BMPR1B: variants seen among roughly 807,000 people sequenced by gnomAD.
BMPR1B encodes bone morphogenetic protein receptor type-1B.
In BMPR1B, 12 loss-of-function variants were observed where a neutral mutation model predicts 59.1. The ratio of observed to expected loss-of-function variants is 0.20; its 90% CI spans 0.13 to 0.33. The LOEUF (loss-of-function observed/expected upper bound fraction) is 0.33, where lower values mean the gene tolerates loss of function less well. Among genes scored for constraint, BMPR1B ranks in the 10% least tolerant of loss-of-function variants. The pLI, the probability that BMPR1B is intolerant of heterozygous loss-of-function variation, is 1.00. For missense variants in BMPR1B, 550 were observed against 610.9 expected, an observed-to-expected ratio of 0.90 and a Z score of 1.05; for synonymous variants, 237 against 207.3, an observed-to-expected ratio of 1.14 and a Z score of -1.23.
At chr4:94,965,007 T>A (rs980399722) in intron 2 of BMPR1B, among the ~76,000 whole-genome samples, 1 of 152,130 alleles carries the variant, frequency 6.6e-6, no homozygotes, top group Non-Finnish European at 1.5e-5. Context: ...CTAAGAAATC[T>A]TCTGCTATAC....
intron 1 of BMPR1B, among the ~76,000 whole-genome samples, chr4:94,770,180 G>GTTTTTTTTTTTTTTTTTTT (rs1553903537): frequency 1.1e-4 from 12 of 106,272 alleles, no homozygotes; most frequent in African/African-American, 4.5e-4. Flanking sequence ...CTTCGTTTCT[G>GTTTTTTTTTTTTTTTTTTT]TGTTTGTTTT....
intron 1 of BMPR1B, among the ~76,000 whole-genome samples, chr4:94,849,872 G>A (rs10005450): frequency 1.3e-5 from 2 of 151,352 alleles, no homozygotes; most frequent in African/African-American, 2.4e-5. Flanking sequence ...GAGAAGGTGC[G>A]CTTAGAAACC....
At chr4:94,898,119 TA>T (rs1369989248) in intron 2 of BMPR1B, among the ~76,000 whole-genome samples, 1 of 151,640 alleles carries the variant, frequency 6.6e-6, no homozygotes. Context: ...GATTGTTTTT[TA>T]AAAATTTTTT....
chr4:95,125,341 C>A (rs770005639), intron 8 of BMPR1B, among the ~76,000 whole-genome samples: 9 of 152,130 alleles, frequency 5.9e-5, no homozygotes, highest in Non-Finnish European at 1.0e-4. Context: ...ACAATCCAGA[C>A]CCTCAGACAT....
intron 3 of BMPR1B, among the ~76,000 whole-genome samples, chr4:95,076,477 T>G (rs1240472325): frequency 1.3e-5 from 2 of 152,128 alleles, no homozygotes; most frequent in Non-Finnish European, 2.9e-5. Context: ...TTTTGAAGAT[T>G]GTAGCTAATA....
intron 3 of BMPR1B, among the ~76,000 whole-genome samples, chr4:95,026,674 G>A (rs1724435799): frequency 6.6e-6 from 1 of 150,644 alleles, no homozygotes; most frequent in Non-Finnish European, 1.5e-5. Flanking sequence ...GAAATGAAAG[G>A]AAGATTTTTC....
chr4:94,864,063 G>A (rs1005577735), intron 1 of BMPR1B, among the ~76,000 whole-genome samples: 3 of 152,168 alleles, frequency 2.0e-5, no homozygotes, highest in Non-Finnish European at 4.4e-5. Context: ...CATTTTAGCT[G>A]ATGTACTATT....
At chr4:94,773,274 A>T (rs973134739) in intron 1 of BMPR1B, among the ~76,000 whole-genome samples, 2 of 152,146 alleles carry the variant, frequency 1.3e-5, no homozygotes, top group Admixed American at 1.3e-4. Context: ...ATAGTAGCAT[A>T]TATCATTAGT....
At chr4:94,818,229 A>G (rs1724081187) in intron 1 of BMPR1B, among the ~76,000 whole-genome samples, 1 of 152,150 alleles carries the variant, frequency 6.6e-6, no homozygotes, top group Admixed American at 6.5e-5. Flanking sequence ...TTAGTTTAGT[A>G]TTCTAGGATG....
chr4:94,797,654 G>C (rs1346546739), intron 1 of BMPR1B, among the ~76,000 whole-genome samples: 3 of 152,170 alleles, frequency 2.0e-5, no homozygotes, highest in Admixed American at 1.3e-4. Context: ...AAATAACAAG[G>C]CTCCCCTGAT....
intron 1 of BMPR1B, among the ~76,000 whole-genome samples, chr4:94,868,474 C>T (rs181956802): frequency 4.6e-5 from 7 of 152,304 alleles, no homozygotes; most frequent in Non-Finnish European, 7.4e-5. Context: ...AGAGGTATTA[C>T]GTGTCTGAAT....
chr4:94,997,046 C>A (rs1229725666), intron 3 of BMPR1B, among the ~76,000 whole-genome samples: 2 of 152,118 alleles, frequency 1.3e-5, no homozygotes, highest in Admixed American at 6.6e-5. Context: ...TTTATATGTA[C>A]TACACATGGA....
chr4:94,767,142 G>A (rs1334478800), intron 1 of BMPR1B, among the ~76,000 whole-genome samples: 3 of 152,126 alleles, frequency 2.0e-5, no homozygotes, highest in Non-Finnish European at 2.9e-5. Flanking sequence ...TACTCATCCT[G>A]AGTGACTGTG....
chr4:94,891,129 T>C (rs1727376921), intron 2 of BMPR1B, among the ~76,000 whole-genome samples: 1 of 152,128 alleles, frequency 6.6e-6, no homozygotes, highest in South Asian at 2.1e-4. Flanking sequence ...TCCTAATATG[T>C]GCATTGTACA....
chr4:94,852,147 A>C (rs1289887462), intron 1 of BMPR1B, among the ~76,000 whole-genome samples: 1 of 152,160 alleles, frequency 6.6e-6, no homozygotes, highest in East Asian at 1.9e-4. Context: ...AGTTACTACA[A>C]GTGGATTAGG....
chr4:95,027,413 G>C (rs1472227294), intron 3 of BMPR1B, among the ~76,000 whole-genome samples: 6 of 152,092 alleles, frequency 3.9e-5, no homozygotes, highest in Non-Finnish European at 8.8e-5. Context: ...AACATATCCT[G>C]TTTACATGTG....
At chr4:94,980,607 G>C in intron 2 of BMPR1B, among the ~76,000 whole-genome samples, 1 of 152,290 alleles carries the variant, frequency 6.6e-6, no homozygotes. Context: ...GTCAGAATGA[G>C]TGTGGGTGTG....
Position 95,043,950 on chromosome 4 carries a change from T to C in BMPR1B, c.-18+47816T>C, listed in dbSNP as rs146598210. Among the ~76,000 whole-genome samples, 618 of 152,350 alleles carry C rather than the reference T, an allele frequency of 4.1e-3. 5 individuals are homozygous for C. Among genetic ancestry groups the C allele is most frequent in the African/African-American group, 0.014 (597 of 41,578 alleles). On this transcript the variant is annotated intron_variant, in intron 3 of 12. Transcript: ENST00000515059. ...GACTTGTCTTCAGTTTATTTAGCTA[T>C]GCTCAATTTTGTAACAAATGTATGT...
chr4:95,098,909 G>C (rs2149259129), intron 3 of BMPR1B, among the ~76,000 whole-genome samples: 2 of 152,158 alleles, frequency 1.3e-5, no homozygotes, highest in South Asian at 4.2e-4. Flanking sequence ...GTAGAGACGT[G>C]GTTTCACCGT....
Sources: gnomAD v4.1 joint callset for allele counts (sites outside exome capture counted in the v4.1 genomes callset) on GRCh38, gnomAD v4.1.1 for gene constraint, MANE v1.5 for transcripts, NCBI Gene and HGNC (gene_info 2026-07-23, HGNC 2026-07-21) for gene names.